Variants in CHLSN observed in about 807,000 individuals in gnomAD.
CHLSN encodes the protein protein cholesin.
At chr7:1,002,405 T>C in the CHLSN span, among the ~76,000 whole-genome samples, 2 of 84,000 alleles carry the variant, frequency 2.4e-5, no homozygotes, top group African/African-American at 4.8e-5. Context: ...GTGAGTGGAG[T>C]CCTGCCGGTG....
the CHLSN span, among the ~76,000 whole-genome samples, chr7:1,127,727 G>A: frequency 0.14 from 3,041 of 21,148 alleles, 652 homozygotes; most frequent in Middle Eastern, 0.43. Context: ...ACCGTCACCC[G>A]GGCTGGAGTG....
the CHLSN span, chr7:988,440 G>T: frequency 6.2e-7 from 1 of 1,611,820 alleles, no homozygotes; most frequent in Non-Finnish European, 8.5e-7. Context: ...TCGGGGCCGG[G>T]GTGGGGCGGC....
chr7:1,028,799 C>T, the CHLSN span: 3 of 885,268 alleles, frequency 3.4e-6, no homozygotes, highest in Non-Finnish European at 4.0e-6. Flanking sequence ...CCTATCGCTC[C>T]CCCAATCTGA....
At chr7:1,028,829 TCCAGTCTACCCCCATCTTC>T in the CHLSN span, 1 of 580,028 alleles carries the variant, frequency 1.7e-6, no homozygotes, top group Non-Finnish European at 2.0e-6. Context: ...CCCCATCTCC[TCCAGTCTACCCCCATCTTC>T]CCAGTCTGCC....
At chr7:1,064,491 C>A in the CHLSN span, among the ~76,000 whole-genome samples, 1 of 152,164 alleles carries the variant, frequency 6.6e-6, no homozygotes, top group Non-Finnish European at 1.5e-5. Context: ...AGGTTCCAGA[C>A]CCTGACCCTG....
the CHLSN span, among the ~76,000 whole-genome samples, chr7:984,792 G>C: frequency 6.6e-6 from 1 of 152,350 alleles, no homozygotes; most frequent in East Asian, 1.9e-4. Flanking sequence ...CCCAAGTCAA[G>C]AGGGGCCAGG....
the CHLSN span, among the ~76,000 whole-genome samples, chr7:1,041,551 A>G: frequency 6.6e-6 from 1 of 152,226 alleles, no homozygotes. Context: ...GTGTCAGATG[A>G]TGACATGCTG....
the CHLSN span, chr7:986,345 C>T: frequency 3.9e-6 from 2 of 509,818 alleles, no homozygotes; most frequent in South Asian, 4.4e-5. Context: ...AAGGTTACTT[C>T]CACTGTGGCA....
the CHLSN span, among the ~76,000 whole-genome samples, chr7:982,334 C>A: frequency 6.6e-6 from 1 of 152,262 alleles, no homozygotes; most frequent in Non-Finnish European, 1.5e-5. Flanking sequence ...GCATGGGCAA[C>A]GCCCCAGAGA....
chr7:1,071,997 T>C, the CHLSN span, among the ~76,000 whole-genome samples: 97,274 of 152,156 alleles, frequency 0.64, 32,410 homozygotes, highest in African/African-American at 0.83. Flanking sequence ...TCCGGGCAAG[T>C]GGCACCCAAC....
the CHLSN span, among the ~76,000 whole-genome samples, chr7:1,081,093 G>A: frequency 1.1e-4 from 16 of 152,356 alleles, no homozygotes; most frequent in African/African-American, 2.9e-4. Context: ...CCCCCCACCC[G>A]GCAGCCCAGC....
chr7:988,668 G>C, the CHLSN span: 1 of 1,601,012 alleles, frequency 6.2e-7, no homozygotes, highest in South Asian at 1.1e-5. Flanking sequence ...CGCCTGGCCA[G>C]GACCGAGCTC....
At chr7:1,137,364 G>C in the CHLSN span, 1 of 152,574 alleles carries the variant, frequency 6.6e-6, no homozygotes, top group East Asian at 1.9e-4. Context: ...CTCCAGAATG[G>C]AAGTTCACTA....
chr7:1,001,573 A>G, the CHLSN span, among the ~76,000 whole-genome samples: 2 of 93,480 alleles, frequency 2.1e-5, no homozygotes, highest in Non-Finnish European at 2.1e-5. Flanking sequence ...GTGGGTGGGG[A>G]GTCCTGTGGG....
the CHLSN span, among the ~76,000 whole-genome samples, chr7:1,065,718 G>A: frequency 2.0e-5 from 3 of 152,200 alleles, no homozygotes; most frequent in African/African-American, 2.4e-5. Flanking sequence ...GTGACACAGC[G>A]GCTGCACCTG....
the CHLSN span, chr7:1,021,544 A>C: frequency 3.0e-6 from 3 of 985,444 alleles, no homozygotes; most frequent in Non-Finnish European, 3.6e-6. Flanking sequence ...CATCCACCGC[A>C]CAGGAGTAGG....
the CHLSN span, chr7:997,614 C>T: frequency 1.4e-5 from 22 of 1,583,786 alleles, no homozygotes; most frequent in South Asian, 1.8e-4. Context: ...CCCCGCCCCG[C>T]GCTGAACCCA....
At chr7:1,055,024 T>C in the CHLSN span, among the ~76,000 whole-genome samples, 1 of 152,060 alleles carries the variant, frequency 6.6e-6, no homozygotes, top group Non-Finnish European at 1.5e-5. Flanking sequence ...CCTGGACACG[T>C]GTCTGCCTGA....
At chr7:1,127,172 G>T in the CHLSN span, 2 of 1,470,866 alleles carry the variant, frequency 1.4e-6, no homozygotes, top group Non-Finnish European at 1.8e-6. Flanking sequence ...ACAGAGACCA[G>T]CAGGCTGAGC....
Sources: allele counts gnomAD v4.1 joint callset (sites outside exome capture counted in the v4.1 genomes callset), GRCh38; gene constraint gnomAD v4.1.1; transcripts MANE v1.5; gene names NCBI Gene and HGNC (gene_info 2026-07-23, HGNC 2026-07-21).